Variants in PCDHGB7 observed in about 807,000 individuals in gnomAD.
The protein encoded by PCDHGB7 is protocadherin gamma-B7.
In PCDHGB7, 37 loss-of-function variants were observed where a neutral mutation model predicts 61.4. The observed-to-expected ratio is 0.60, with a 90% CI of 0.46 to 0.79. The LOEUF (loss-of-function observed/expected upper bound fraction) is 0.79, where lower values mean the gene tolerates loss of function less well. PCDHGB7 is among the 30% of genes least tolerant of loss of function. PCDHGB7 has a pLI of 0.00. For missense variants in PCDHGB7, 1,166 were observed against 1,202.5 expected, an observed-to-expected ratio of 0.97 and a Z score of 0.45; for synonymous variants, 464 against 503.5, an observed-to-expected ratio of 0.92 and a Z score of 1.05.
intron 3 of PCDHGB7, 77 bp downstream of exon 3, chr5:141,505,558 C>T (rs945428797): frequency 3.7e-6 from 6 of 1,605,016 alleles, no homozygotes; most frequent in African/African-American, 1.3e-5. Context: ...ACCATGCCCA[C>T]GGACTGGATG....
chr5:141,445,245 T>C (rs2098460607), intron 1 of PCDHGB7, among the ~76,000 whole-genome samples: 1 of 152,212 alleles, frequency 6.6e-6, no homozygotes, highest in Non-Finnish European at 1.5e-5. Flanking sequence ...TTACACTATA[T>C]TGTGTGAGAA....
chr5:141,463,359 T>C (rs2099057442), intron 1 of PCDHGB7, among the ~76,000 whole-genome samples: 2 of 151,672 alleles, frequency 1.3e-5, no homozygotes, highest in Admixed American at 6.6e-5. Flanking sequence ...GGATTTCCCC[T>C]TTCCTGCCCC....
At position 141,489,436 on chromosome 5, in the gene PCDHGB7, T is replaced by C. The variant is rs1002519; in HGVS notation, c.2416-5371T>C. 0.23 allele frequency: 369,130 copies of C among 1,613,832 alleles called. 44,340 individuals are homozygous for C. The highest frequency in any genetic ancestry group is 0.38 in the Admixed American group (23,024 of 60,000). On this transcript the variant is annotated intron_variant, in intron 1 of 3. Transcript: ENST00000398594. The surrounding 1 kb of genome is among the most constrained non-coding windows in gnomAD (Gnocchi z 4.5). ...AGATCTGTTGAGCCGGCGGCTGCAATTGGGCTCTGAGGAGAATGGGCGCTA... is the reference window on the plus strand; with the variant it reads ...AGATCTGTTGAGCCGGCGGCTGCAACTGGGCTCTGAGGAGAATGGGCGCTA...
rs2099747616 is a variant in PCDHGB7 at position 141,493,318 on chromosome 5, TA to T, written c.2416-1487del. 6.6e-6 allele frequency among the ~76,000 whole-genome samples: 1 copy of T among 152,234 alleles called. No homozygotes were observed. Among genetic ancestry groups the T allele is most frequent in the South Asian group, 2.1e-4 (1 of 4,828 alleles). On this transcript the variant is annotated intron_variant, in intron 1 of 3. Coordinates refer to ENST00000398594, the MANE Select transcript of PCDHGB7 (RefSeq NM_018927.4). This position sits in a 1 kb window ranked among gnomAD's most constrained non-coding sequence, Gnocchi z 4.3. ...TTCACAGAGCAAGTAAGAGAGATTC[TA>T]ACCCCTGTCTAACTCCAGAATGTGT...
Position 141,418,387 on chromosome 5 carries a change from G to T in PCDHGB7, c.528G>T (p.Glu176Asp). Residue 176 changes from glutamate to aspartate, a missense_variant, in exon 1 of 4, where the codon GAG becomes GAT. Coordinates refer to ENST00000398594, the MANE Select transcript of PCDHGB7 (RefSeq NM_018927.4). ...GCAAATACCAACTAAGTCCTAACGA[G>T]TATTTCTCATTGGTGGAGAAAGACA... ...SLSKYQLSPN[E>D]YFSLVEKDNP... 1.9e-6 allele frequency: 3 copies of T among 1,614,002 alleles called. No individual in the cohort carries two copies. The highest frequency in any genetic ancestry group is 2.5e-6 in the Non-Finnish European group (3 of 1,179,896).
chr5:141,477,845 G>A lies in PCDHGB7; in HGVS notation c.2416-16962G>A, dbSNP rs1164464559. On this transcript the variant is annotated intron_variant, in intron 1 of 3. Transcript: ENST00000398594. This position sits in a 1 kb window ranked among gnomAD's most constrained non-coding sequence, Gnocchi z 4.9. ...ATATCCTCGGCCAGGTGGGAGCTCGGTGGAGATGCTGCCTCGAGGTACCTC... is the reference window on the plus strand; with the variant it reads ...ATATCCTCGGCCAGGTGGGAGCTCGATGGAGATGCTGCCTCGAGGTACCTC... 11 of 1,614,040 alleles carry A rather than the reference G, an allele frequency of 6.8e-6. No individual in the cohort carries two copies. The highest frequency in any genetic ancestry group is 9.3e-6 in the Non-Finnish European group (11 of 1,180,036).
rs1384424498 is a variant in PCDHGB7, at chr5:141,431,677, G to A, written c.2415+11403G>A. On this transcript the variant is annotated intron_variant, in intron 1 of 3. Coordinates refer to ENST00000398594, the MANE Select transcript of PCDHGB7 (RefSeq NM_018927.4). This position sits in a 1 kb window ranked among gnomAD's most constrained non-coding sequence, Gnocchi z 4.8. The stretch of plus-strand genomic sequence containing the variant: ...CAGGGACAATATCAACAATAGGGGA[G>A]TTGGACCACGAGGAGTCAGGATTCT... 2 of 1,614,236 alleles carry A rather than the reference G, an allele frequency of 1.2e-6. No homozygotes were observed. The highest frequency in any genetic ancestry group is 1.7e-6 in the Non-Finnish European group (2 of 1,180,050).
chr5:141,433,742 C>G (rs927651405), intron 1 of PCDHGB7, among the ~76,000 whole-genome samples: 1 of 150,826 alleles, frequency 6.6e-6, no homozygotes, highest in Non-Finnish European at 1.5e-5. Flanking sequence ...GAGGCTGAGT[C>G]AGGAGAATTG....
intron 1 of PCDHGB7, chr5:141,441,855 G>T (rs1210416963): frequency 2.8e-6 from 1 of 351,872 alleles, no homozygotes; most frequent in Admixed American, 4.0e-5. Context: ...ATATGGTGCT[G>T]CACGCCGCGG....
At chr5:141,426,937 C>T in intron 1 of PCDHGB7, 1 of 456,736 alleles carries the variant, frequency 2.2e-6, no homozygotes, top group Non-Finnish European at 4.4e-6. Flanking sequence ...ATGGGTGACC[C>T]AGTCCCAACT....
At position 141,485,225 on chromosome 5, in the gene PCDHGB7, T is replaced by C; in HGVS notation, c.2416-9582T>C. The C allele has an allele frequency of 1.2e-6, 2 of 1,614,156 alleles. No homozygotes were observed. Among genetic ancestry groups the C allele is most frequent in the Non-Finnish European group, 1.7e-6 (2 of 1,180,010 alleles). On this transcript the variant is annotated intron_variant, in intron 1 of 3. Coordinates refer to ENST00000398594, the MANE Select transcript of PCDHGB7 (RefSeq NM_018927.4). The surrounding 1 kb of genome is among the most constrained non-coding windows in gnomAD (Gnocchi z 5.7). Reference sequence around the variant, plus strand: ...AGAAATCTGGCGGTGGGCTACCCTTTTGTTCCTCTTTTACCACCTGGGTTA... The same window carrying C: ...AGAAATCTGGCGGTGGGCTACCCTTCTGTTCCTCTTTTACCACCTGGGTTA...
At chr5:141,438,334 A>G (rs756299924) in intron 1 of PCDHGB7, among the ~76,000 whole-genome samples, 6 of 151,946 alleles carry the variant, frequency 3.9e-5, no homozygotes, top group Non-Finnish European at 7.4e-5. Context: ...TATACATGTC[A>G]TATAAGGATC....
At position 141,490,370 on chromosome 5, in the gene PCDHGB7, G is replaced by C. The variant is rs768474199; in HGVS notation, c.2416-4437G>C. ...GTGGGGTTGTTTAATGTGCGAGACC[G>C]GGACTCAGGTAGAAATGGTGAAGTG... On this transcript the variant is annotated intron_variant, in intron 1 of 3. Coordinates refer to ENST00000398594, the MANE Select transcript of PCDHGB7 (RefSeq NM_018927.4). The surrounding 1 kb of genome is among the most constrained non-coding windows in gnomAD (Gnocchi z 5.4). 1 of 1,614,172 alleles carries C rather than the reference G, an allele frequency of 6.2e-7. No individual in the cohort carries two copies. Among genetic ancestry groups the C allele is most frequent in the Admixed American group, 1.7e-5 (1 of 60,026 alleles).
Position 141,485,582 on chromosome 5 carries a change from C to G in PCDHGB7, c.2416-9225C>G. The G allele has an allele frequency of 6.2e-7, 1 of 1,612,374 alleles. No individual in the cohort carries two copies. Among genetic ancestry groups the G allele is most frequent in the South Asian group, 1.1e-5 (1 of 90,956 alleles). On this transcript the variant is annotated intron_variant, in intron 1 of 3. Transcript: ENST00000398594. The surrounding 1 kb of genome is among the most constrained non-coding windows in gnomAD (Gnocchi z 5.7). ...TCACGCCCCCCGTTTTCCGCGGCAG[C>G]AGCTGGACTTGGAAATTGGGGAGGC...
At chr5:141,421,211 T>A (rs866635411) in intron 1 of PCDHGB7, 8 of 1,541,100 alleles carry the variant, frequency 5.2e-6, no homozygotes. Flanking sequence ...CCGCGGAATA[T>A]CGGCTTAGAG....
chr5:141,458,171 A>G (rs548935841), intron 1 of PCDHGB7, among the ~76,000 whole-genome samples: 74 of 152,336 alleles, frequency 4.9e-4, no homozygotes, highest in African/African-American at 1.6e-3. Flanking sequence ...TCACAGTAGT[A>G]TACCTTACTT....
At chr5:141,484,931 A>ACGTT (rs1464416110) in intron 1 of PCDHGB7, 2 of 498,000 alleles carry the variant, frequency 4.0e-6, no homozygotes, top group Non-Finnish European at 7.2e-6. Flanking sequence ...TGCTGTTGGG[A>ACGTT]CGTTCTCTGC....
intron 1 of PCDHGB7, among the ~76,000 whole-genome samples, chr5:141,474,705 A>C (rs114026580): frequency 0.01 from 1,561 of 152,324 alleles, 35 homozygotes; most frequent in African/African-American, 0.035. Context: ...TCAAGGTTCT[A>C]TTATACTTCA....
chr5:141,423,848 G>C (rs1353181066), intron 1 of PCDHGB7: 1 of 1,277,462 alleles, frequency 7.8e-7, no homozygotes, highest in Non-Finnish European at 9.9e-7. Flanking sequence ...TAATCTTTCA[G>C]AACGTTTTTG....
Sources: gnomAD v4.1 joint callset for allele counts (sites outside exome capture counted in the v4.1 genomes callset) on GRCh38, gnomAD v4.1.1 for gene constraint, Gnocchi (gnomAD v3.1) non-coding constraint, MANE v1.5 for transcripts, NCBI Gene and HGNC (gene_info 2026-07-23, HGNC 2026-07-21) for gene names.